The following CDH10 variants were observed in gnomAD, a reference collection of about 807,000 sequenced individuals.
CDH10 encodes the protein cadherin 10.
In CDH10, 30 loss-of-function variants were observed where a neutral mutation model predicts 73.1. The ratio of observed to expected loss-of-function variants is 0.41; its 90% CI spans 0.31 to 0.56. The LOEUF is 0.56. Ranked by LOEUF, CDH10 falls within the 20% of genes least tolerant of loss-of-function variation. The pLI is 0.27. For missense variants in CDH10, 815 were observed against 973.7 expected (o/e 0.84, Z 2.17); for synonymous variants, 345 against 348.2 (o/e 0.99, Z 0.10).
chr5:24,488,791 A>ACCC (rs57502555), intron 11 of CDH10, among the ~76,000 whole-genome samples: 15 of 131,726 alleles, frequency 1.1e-4, no homozygotes, highest in Middle Eastern at 3.8e-3. Flanking sequence ...CTTGCATGAG[A>ACCC]CCCCCCCCCC....
Position 24,505,225 on chromosome 5 carries a change from T to G in CDH10, c.1280A>C (p.Asp427Ala). Residue 427 changes from aspartate (D) to alanine (A), a missense_variant, in exon 8 of 12, where the codon GAC (aspartate) becomes GCC (alanine). Coordinates refer to ENST00000264463, the MANE Select transcript of CDH10 (RefSeq NM_006727.5). ...PIRFSLDRHT[D>A]LDRIFNIHSG... ...ATGAATGTTAAAGATTCTGTCAAGG[T>G]CAGTATGGCGATCCAAGGAAAATCT... 6.2e-7 allele frequency: 1 copy of G among 1,613,112 alleles called. No homozygotes were observed. Among genetic ancestry groups the G allele is most frequent in the Non-Finnish European group, 8.5e-7 (1 of 1,179,294 alleles).
At chr5:24,535,580 TTG>T in intron 4 of CDH10, 121 bp downstream of exon 4, 1 of 850,502 alleles carries the variant, frequency 1.2e-6, no homozygotes, top group Non-Finnish European at 1.8e-6. Flanking sequence ...TCTTTAAGTG[TTG>T]TGTCTTCACT....
chr5:24,601,095 T>C (rs1746547045), intron 1 of CDH10, among the ~76,000 whole-genome samples: 1 of 152,160 alleles, frequency 6.6e-6, no homozygotes, highest in African/African-American at 2.4e-5. Flanking sequence ...ATCTAAAAGT[T>C]CAGTTTTTTA....
chr5:24,625,699 G>A (rs1043383552), intron 1 of CDH10, among the ~76,000 whole-genome samples: 1 of 141,444 alleles, frequency 7.1e-6, no homozygotes, highest in Non-Finnish European at 1.5e-5. Flanking sequence ...CCTTCTAGGT[G>A]TACAGTTTAG....
At chr5:24,501,499 C>A (rs535712299) in intron 8 of CDH10, among the ~76,000 whole-genome samples, 46 of 152,146 alleles carry the variant, frequency 3.0e-4, no homozygotes, top group Non-Finnish European at 5.4e-4. Flanking sequence ...ATATATTTAC[C>A]ACCTGAGTTT....
intron 2 of CDH10, among the ~76,000 whole-genome samples, chr5:24,556,801 T>C (rs1300955412): frequency 6.6e-6 from 1 of 151,806 alleles, no homozygotes; most frequent in East Asian, 1.9e-4. Context: ...GGTATGCCTT[T>C]CATTCTATAT....
chr5:24,583,923 G>A (rs993643352), intron 2 of CDH10, among the ~76,000 whole-genome samples: 13 of 152,114 alleles, frequency 8.5e-5, no homozygotes, highest in African/African-American at 2.9e-4. Flanking sequence ...GATTACAGGC[G>A]TGAGCCACCG....
chr5:24,536,872 A>G (rs969879114), intron 3 of CDH10, among the ~76,000 whole-genome samples: 10 of 152,010 alleles, frequency 6.6e-5, no homozygotes, highest in African/African-American at 2.4e-4. Context: ...AGTTTTATAC[A>G]TAATAATTAT....
intron 7 of CDH10, among the ~76,000 whole-genome samples, chr5:24,509,155 T>A (rs183672447): frequency 2.0e-3 from 302 of 151,966 alleles, no homozygotes; most frequent in Middle Eastern, 0.01. Flanking sequence ...TTAAATGTTT[T>A]AAATAGAATT....
chr5:24,597,696 C>G (rs983888381), intron 1 of CDH10, among the ~76,000 whole-genome samples: 2 of 151,936 alleles, frequency 1.3e-5, no homozygotes, highest in African/African-American at 4.8e-5. Context: ...CATTATTCTT[C>G]TGAAATACTT....
At chr5:24,493,884 CA>C (rs11354083) in intron 9 of CDH10, among the ~76,000 whole-genome samples, 5,482 of 151,780 alleles carry the variant, frequency 0.036, 139 homozygotes, top group African/African-American at 0.063. Flanking sequence ...GTTGGTTAAA[CA>C]AGTGATTTCA....
chr5:24,570,208 A>G (rs184604535), intron 2 of CDH10, among the ~76,000 whole-genome samples: 16 of 152,308 alleles, frequency 1.1e-4, no homozygotes, highest in Admixed American at 9.1e-4. Context: ...TTTCTATTCA[A>G]CTTTGTTTTA....
At chr5:24,607,545 T>A (rs919966422) in intron 1 of CDH10, among the ~76,000 whole-genome samples, 1 of 152,180 alleles carries the variant, frequency 6.6e-6, no homozygotes, top group Admixed American at 6.5e-5. Context: ...ACTTATACGC[T>A]AAGCTTACAA....
chr5:24,520,836 C>G (rs563328886), intron 5 of CDH10, among the ~76,000 whole-genome samples: 2 of 152,192 alleles, frequency 1.3e-5, no homozygotes, highest in East Asian at 3.9e-4. Context: ...AAGCAATTCT[C>G]CCATCTCAGT....
intron 11 of CDH10, among the ~76,000 whole-genome samples, chr5:24,490,036 AT>A (rs1418100847): frequency 6.6e-6 from 1 of 152,128 alleles, no homozygotes; most frequent in Non-Finnish European, 1.5e-5. Context: ...CATGCCAGAC[AT>A]TTTTTTGTCA....
At chr5:24,644,563 G>A (rs1748154606) in intron 1 of CDH10, 31 bp downstream of exon 1, 3 of 151,760 alleles carry the variant, frequency 2.0e-5, no homozygotes, top group African/African-American at 7.3e-5. Flanking sequence ...TACCTTAACG[G>A]AGTTAAAAGA....
intron 2 of CDH10, among the ~76,000 whole-genome samples, chr5:24,552,885 A>G (rs60865757): frequency 0.049 from 7,458 of 152,194 alleles, 343 homozygotes; most frequent in African/African-American, 0.12. Context: ...TAAATCTCCC[A>G]GAGCCTTCTG....
intron 8 of CDH10, among the ~76,000 whole-genome samples, chr5:24,504,490 C>A (rs1742610695): frequency 1.1e-5 from 1 of 90,764 alleles, no homozygotes; most frequent in Non-Finnish European, 2.3e-5. Context: ...ATATTAAATG[C>A]TTTTCTCCTA....
chr5:24,620,470 A>T (rs1379011173), intron 1 of CDH10, among the ~76,000 whole-genome samples: 2 of 152,300 alleles, frequency 1.3e-5, no homozygotes, highest in African/African-American at 4.8e-5. Flanking sequence ...AATATATATA[A>T]AATGTGATTG....
Sources: allele counts gnomAD v4.1 joint callset (sites outside exome capture counted in the v4.1 genomes callset), GRCh38; gene constraint gnomAD v4.1.1; transcripts MANE v1.5; gene names NCBI Gene and HGNC (gene_info 2026-07-23, HGNC 2026-07-21).